Variants in ITGAX observed in about 807,000 individuals in gnomAD.
The protein encoded by ITGAX is integrin alpha-X.
In ITGAX, 99 loss-of-function variants were observed where a neutral mutation model predicts 140.2. The ratio of observed to expected loss-of-function variants is 0.71; its 90% confidence interval spans 0.60 to 0.83. The LOEUF (loss-of-function observed/expected upper bound fraction) is 0.83, where lower values mean the gene tolerates loss of function less well. Ranked by LOEUF, ITGAX falls within the 40% of genes least tolerant of loss-of-function variation. The pLI is 0.00. For synonymous variants in ITGAX, 631 were observed against 600.4 expected, an observed-to-expected ratio of 1.05 and a Z score of -0.75; for missense variants, 1,444 against 1,482.0, an observed-to-expected ratio of 0.97 and a Z score of 0.42.
chr16:31,373,084 C>T (rs183538418), intron 19 of ITGAX, among the ~76,000 whole-genome samples, 165 bp from the exon 20 acceptor site: 13 of 143,234 alleles, frequency 9.1e-5, no homozygotes, highest in African/African-American at 3.5e-4. Context: ...AAGAGCAGGA[C>T]TCTGTCTCTT....
rs908558727 is a variant in ITGAX at position 31,378,204 on chromosome 16, C to T, written c.2789+939C>T. On this transcript the variant is annotated intron_variant, in intron 23 of 29. Transcript: ENST00000268296. ...CAAGGAAATGGGAAAAAAGGGCCCC[C>T]GGGGAGGTATGTGGGGGACTGGGAA... Among the ~76,000 whole-genome samples the T allele has an allele frequency of 7.9e-5, 12 of 152,172 alleles. No homozygotes were observed. In the East Asian group the frequency reaches 1.2e-3, roughly 15 times the overall value.
At chr16:31,372,726 G>A in intron 19 of ITGAX, 56 bp downstream of exon 19, 1 of 1,508,966 alleles carries the variant, frequency 6.6e-7, no homozygotes, top group South Asian at 1.1e-5. Context: ...CCTGGAATCT[G>A]GGACTCCTGC....
intron 14 of ITGAX, among the ~76,000 whole-genome samples, chr16:31,368,617 T>A (rs1024348678): frequency 6.6e-6 from 1 of 151,822 alleles, no homozygotes; most frequent in African/African-American, 2.4e-5. Flanking sequence ...TTTTATTTTT[T>A]ATTTTTTTTA....
At position 31,361,146 on chromosome 16, in the gene ITGAX, A is replaced by C. The variant is rs1567296830; in HGVS notation, c.945A>C (p.Lys315Asn). Residue 315 changes from lysine to asparagine, a missense_variant, in exon 9 of 30, where the codon AAA becomes AAC. Transcript: ENST00000268296. Reference protein sequence around the residue: ...ASKPSQEHIFKVEDFDALKDI... With the variant: ...ASKPSQEHIFNVEDFDALKDI... Reference sequence around the variant, plus strand: ...AGCCCTCCCAGGAACACATATTTAAAGTGGAGGACTTTGATGCTCTGAAAG... The same window carrying C: ...AGCCCTCCCAGGAACACATATTTAACGTGGAGGACTTTGATGCTCTGAAAG... 2.5e-6 allele frequency: 4 copies of C among 1,613,712 alleles called. No individual in the cohort carries two copies. Among genetic ancestry groups the C allele is most frequent in the Non-Finnish European group, 1.7e-6 (2 of 1,179,912 alleles).
At position 31,371,177 on chromosome 16, in the gene ITGAX, C is replaced by T; in HGVS notation, c.1804C>T (p.Leu602=). 3 of 1,612,526 alleles carry T rather than the reference C, an allele frequency of 1.9e-6. No individual in the cohort carries two copies. The highest frequency in any genetic ancestry group is 2.5e-6 in the Non-Finnish European group (3 of 1,179,296). Residue 602 remains leucine, a synonymous_variant, in exon 15 of 30, where the codon CTG becomes TTG. Transcript: ENST00000268296. ...QDLTQDGLVD[L]AVGARGQVLL... ...CCTCACCCAGGATGGACTGGTGGAC[C>T]TGGCTGTGGGGGCCCGGGGCCAGGT...
At chr16:31,366,381 T>C (rs2080893153) in intron 14 of ITGAX, among the ~76,000 whole-genome samples, 1 of 152,184 alleles carries the variant, frequency 6.6e-6, no homozygotes, top group African/African-American at 2.4e-5. Flanking sequence ...CCACCACTGA[T>C]AGCTCCCCTG....
chr16:31,382,244 C>CTTTTTTTTTTTTTTTTT lies in ITGAX; in HGVS notation c.*341_*342insTTTTTTTTTTTTTTTTT. 1.2e-6 allele frequency: 1 copy of CTTTTTTTTTTTTTTTTT among 817,830 alleles called. No individual in the cohort carries two copies. The highest frequency in any genetic ancestry group is 1.5e-6 in the Non-Finnish European group (1 of 670,606). The allele number at this position is 817,830 out of a possible 1,614,324, so 50.7% of individuals were successfully genotyped here. A position where few individuals can be genotyped will look rare whatever the true frequency, so the allele number is the denominator to read the frequency against. On this transcript the variant is annotated 3_prime_UTR_variant, in exon 30 of 30. Transcript: ENST00000268296. ...CTTTCCTTTCTTTTTTTTTTTTTTT[C>CTTTTTTTTTTTTTTTTT]TTTTCTTTTTTTTTTTTTTGAGACG...
intron 19 of ITGAX, among the ~76,000 whole-genome samples, chr16:31,373,014 G>A (rs1447837734): frequency 1.3e-5 from 2 of 152,002 alleles, no homozygotes; most frequent in Non-Finnish European, 1.5e-5. Context: ...GATTGCTTGA[G>A]CTCTGGAGTT....
At position 31,355,926 on chromosome 16, in the gene ITGAX, C is replaced by T. The variant is rs777836844; in HGVS notation, c.71C>T (p.Thr24Ile). 2 of 1,613,738 alleles carry T rather than the reference C, an allele frequency of 1.2e-6. No individual in the cohort carries two copies. The highest frequency in any genetic ancestry group is 1.3e-5 in the African/African-American group (1 of 74,914). The part of the protein sequence containing the change: ...LATSLGFNLD[T>I]EELTAFRVDS... The stretch of plus-strand genomic sequence containing the variant: ...ACTTCTCTAGGTTTCAACTTGGACA[C>T]AGAGGAGCTGACAGCCTTCCGTGTG... The change falls in exon 2 of 30, where the codon ACA (threonine) becomes ATA (isoleucine). Residue 24 changes from threonine (T) to isoleucine (I), a missense_variant. Transcript: ENST00000268296.
In ITGAX at chr16:31,362,062, C is replaced by T. The variant is rs200403295; in HGVS notation, c.1087-13C>T. 1.9e-6 allele frequency: 3 copies of T among 1,614,026 alleles called. No individual in the cohort carries two copies. The highest frequency in any genetic ancestry group is 2.5e-6 in the Non-Finnish European group (3 of 1,179,956). ...TCCGGCCTCTGCTCAGCCCTGGAAT[C>T]CTTTTCTCCCAGGATGGCCCCGTTC... On this transcript the variant is annotated splice_polypyrimidine_tract_variant and intron_variant, in intron 10 of 29. Transcript: ENST00000268296.
chr16:31,357,668 A>G, intron 5 of ITGAX: 1 of 436,296 alleles, frequency 2.3e-6, no homozygotes, highest in Non-Finnish European at 4.0e-6. Context: ...TTAGCACAGC[A>G]GCTAGCACCA....
intron 14 of ITGAX, among the ~76,000 whole-genome samples, chr16:31,365,362 A>C (rs1170458485): frequency 1.3e-5 from 2 of 152,200 alleles, no homozygotes; most frequent in Non-Finnish European, 2.9e-5. Flanking sequence ...GTTGTGTGCT[A>C]TGTGGTCTAT....
intron 11 of ITGAX, 95 bp from the exon 12 acceptor site, chr16:31,362,515 TG>T: frequency 8.5e-7 from 1 of 1,175,034 alleles, no homozygotes; most frequent in South Asian, 1.7e-5. Flanking sequence ...TCCAGGGTTC[TG>T]GGGAGGGGAG....
intron 20 of ITGAX, among the ~76,000 whole-genome samples, chr16:31,375,718 T>TGCTGTCTCTCTTAGTCTAATATTCCC (rs1159645169): frequency 6.6e-6 from 1 of 152,260 alleles, no homozygotes; most frequent in African/African-American, 2.4e-5. Context: ...TTGTTATTTC[T>TGCTGTCTCTCTTAGTCTAATATTCCC]GCTGTCTCTC....
Position 31,357,300 on chromosome 16 carries a change from C to A in ITGAX, c.366C>A (p.Leu122=), listed in dbSNP as rs369137615. ...ACGAGTGCGGGAGGAACATGTACCT[C>A]ACCGGACTCTGCTTCCTCCTGGGCC... ...VHHECGRNMY[L]TGLCFLLGPT... Residue 122 remains leucine (L), a synonymous_variant, in exon 5 of 30, where the codon CTC becomes CTA. Transcript: ENST00000268296. 1 of 1,609,088 alleles carries A rather than the reference C, an allele frequency of 6.2e-7. No homozygotes were observed. The highest frequency in any genetic ancestry group is 8.5e-7 in the Non-Finnish European group (1 of 1,178,442).
At chr16:31,371,041 C>T in intron 14 of ITGAX, 43 bp from the exon 15 acceptor site, 1 of 1,612,614 alleles carries the variant, frequency 6.2e-7, no homozygotes, top group South Asian at 1.1e-5. Context: ...CCAACTTCTT[C>T]CCCTACTTTC....
At chr16:31,372,697 C>G in intron 19 of ITGAX, 27 bp downstream of exon 19, 1 of 1,601,416 alleles carries the variant, frequency 6.2e-7, no homozygotes, top group Non-Finnish European at 8.6e-7. Flanking sequence ...TAGACCTGCC[C>G]TACTGCCCCA....
chr16:31,372,554 G>C (rs1296773129), intron 18 of ITGAX, 43 bp from the exon 19 acceptor site: 2 of 1,613,874 alleles, frequency 1.2e-6, no homozygotes, highest in Admixed American at 3.3e-5. Context: ...CACAGCGTGG[G>C]GCCTGGGTCT....
At chr16:31,372,708 G>T in intron 19 of ITGAX, 38 bp downstream of exon 19, 1 of 1,585,282 alleles carries the variant, frequency 6.3e-7, no homozygotes, top group Non-Finnish European at 8.6e-7. Context: ...TACTGCCCCA[G>T]CCTCCTTCCT....
Sources: allele counts gnomAD v4.1 joint callset (sites outside exome capture counted in the v4.1 genomes callset), GRCh38; gene constraint gnomAD v4.1.1; transcripts MANE v1.5; gene names NCBI Gene and HGNC (gene_info 2026-07-23, HGNC 2026-07-21).